Variants in TENM3 observed in about 807,000 individuals in gnomAD.
TENM3 encodes teneurin transmembrane protein 3.
A neutral mutation model predicts 255.1 loss-of-function variants in TENM3; 63 were observed. The ratio of observed to expected loss-of-function variants is 0.25; its 90% CI spans 0.20 to 0.30. The LOEUF (loss-of-function observed/expected upper bound fraction) is 0.30. Ranked by LOEUF, TENM3 falls within the 10% of genes least tolerant of loss-of-function variation. The pLI is 1.00. For synonymous variants in TENM3, 1,306 were observed against 1,322.3 expected (o/e 0.99, Z 0.27); for missense variants, 2,929 against 3,461.1 (o/e 0.85, Z 3.86).
the TENM3 span, among the ~76,000 whole-genome samples, chr4:182,010,341 C>T: frequency 2.0e-5 from 3 of 152,074 alleles, no homozygotes; most frequent in Admixed American, 6.5e-5. Flanking sequence ...CAAGTCTCTA[C>T]ATGAAAACAT....
At chr4:182,717,601 T>C (rs1161722021) in intron 13 of TENM3, among the ~76,000 whole-genome samples, 1 of 152,156 alleles carries the variant, frequency 6.6e-6, no homozygotes, top group East Asian at 1.9e-4. Flanking sequence ...AGGCAAGCAA[T>C]GGATTACTAG....
In TENM3 at chr4:182,777,509, T is replaced by TTGTGTG. The variant is rs1172500944; in HGVS notation, c.5304+2357_5304+2358insGTGTGT. On this transcript the variant is annotated intron_variant, in intron 24 of 27. Transcript: ENST00000511685. ...TTCTCTCTGTCTATACATAATGTGT[T>TTGTGTG]TATGTGTGTGTGTGTGTGTGTGTGT... Among the ~76,000 whole-genome samples the TTGTGTG allele has an allele frequency of 8.6e-4, 103 of 120,140 alleles. 1 individual carries two copies. Among genetic ancestry groups the TTGTGTG allele is most frequent in the African/African-American group, 3.1e-3 (97 of 31,588 alleles). 78.8% of individuals were successfully genotyped at this position (120,140 alleles called of 152,430 possible).
At chr4:181,669,112 C>G in the TENM3 span, among the ~76,000 whole-genome samples, 1 of 152,114 alleles carries the variant, frequency 6.6e-6, no homozygotes, top group South Asian at 2.1e-4. Flanking sequence ...AAAAAAATTA[C>G]CAGCAATAAT....
Position 182,799,529 on chromosome 4 carries a change from G to C in TENM3, c.7345-67G>C. ...CCCGGCGCTGCCCCCAGAGTCCCGT[G>C]TGTGGGTCAGGAGTGGGGAGGCTCC... On this transcript the variant is annotated intron_variant, in intron 27 of 27. Transcript: ENST00000511685. This position sits in a 1 kb window ranked among gnomAD's most constrained non-coding sequence, Gnocchi z 4.2. The C allele has an allele frequency of 6.6e-7, 1 of 1,504,424 alleles. No individual in the cohort carries two copies. Among genetic ancestry groups the C allele is most frequent in the Non-Finnish European group, 8.8e-7 (1 of 1,136,770 alleles). The allele number at this position is 1,504,424 out of a possible 1,614,324, so 93.2% of individuals were successfully genotyped here.
At chr4:182,074,232 T>A in the TENM3 span, among the ~76,000 whole-genome samples, 2 of 152,154 alleles carry the variant, frequency 1.3e-5, no homozygotes, top group Non-Finnish European at 2.9e-5. Context: ...CTGTACCACT[T>A]GCTCAGCAGA....
At position 182,743,211 on chromosome 4, in the gene TENM3, C is replaced by A. The variant is rs1276841578; in HGVS notation, c.3421C>A (p.Gln1141Lys). The change falls in exon 19 of 28, where the codon CAG becomes AAG. Residue 1141 changes from glutamine to lysine, a missense_variant. Physicochemically the swap from Gln to Lys is moderately conservative, Grantham distance 53. Coordinates refer to ENST00000511685, the MANE Select transcript of TENM3 (RefSeq NM_001080477.4). ...KGNGENQFISQQPPVVSSIMG... is the reference protein window; with the variant it reads ...KGNGENQFISKQPPVVSSIMG... ...AAACGGGGAAAACCAGTTCATCTCC[C>A]AGCAGCCTCCAGTCGTGAGTAGCAT... is the stretch of plus-strand genomic sequence containing the variant. The A allele has an allele frequency of 6.2e-7, 1 of 1,613,820 alleles. No individual in the cohort carries two copies.
chr4:181,960,328 T>C, the TENM3 span, among the ~76,000 whole-genome samples: 2 of 152,224 alleles, frequency 1.3e-5, no homozygotes, highest in Non-Finnish European at 2.9e-5. Context: ...GACTTTTTTT[T>C]CTAATTTTTC....
At chr4:181,709,323 G>T in the TENM3 span, among the ~76,000 whole-genome samples, 1 of 152,308 alleles carries the variant, frequency 6.6e-6, no homozygotes, top group East Asian at 1.9e-4. Flanking sequence ...GAGATACATT[G>T]TTGACTTCAA....
At chr4:182,448,557 T>C (rs1251355340) in intron 3 of TENM3, among the ~76,000 whole-genome samples, 1 of 152,170 alleles carries the variant, frequency 6.6e-6, no homozygotes, top group South Asian at 2.1e-4. Flanking sequence ...AGAGATGCTT[T>C]TGTGAGCACG....
chr4:182,689,559 A>G (rs1447427150), intron 12 of TENM3, among the ~76,000 whole-genome samples: 2 of 152,188 alleles, frequency 1.3e-5, no homozygotes, highest in Admixed American at 6.5e-5. Flanking sequence ...TGTCATGGCT[A>G]TAATGTATCA....
chr4:182,344,352 C>T (rs1280063645), intron 2 of TENM3, among the ~76,000 whole-genome samples: 1 of 152,018 alleles, frequency 6.6e-6, no homozygotes, highest in Non-Finnish European at 1.5e-5. Flanking sequence ...TCAGAAGCAG[C>T]CCTGGAGAAT....
At chr4:181,460,477 T>A in the TENM3 span, among the ~76,000 whole-genome samples, 1 of 151,898 alleles carries the variant, frequency 6.6e-6, no homozygotes, top group Non-Finnish European at 1.5e-5. Flanking sequence ...TGGTGCTTAT[T>A]TTTCTTTATA....
the TENM3 span, among the ~76,000 whole-genome samples, chr4:181,706,100 G>A: frequency 6.6e-6 from 1 of 152,124 alleles, no homozygotes; most frequent in Non-Finnish European, 1.5e-5. Flanking sequence ...GGGTCCTTCT[G>A]AGAGCCATGA....
the TENM3 span, among the ~76,000 whole-genome samples, chr4:181,517,150 T>TG: frequency 8.2e-6 from 1 of 122,430 alleles, no homozygotes; most frequent in Non-Finnish European, 2.0e-5. Flanking sequence ...TGGAAATAAC[T>TG]GAAAAAAAAA....
the TENM3 span, among the ~76,000 whole-genome samples, chr4:182,044,793 G>C: frequency 6.6e-6 from 1 of 152,050 alleles, no homozygotes; most frequent in Non-Finnish European, 1.5e-5. Context: ...TTTTCCTGCC[G>C]TATTGACCAA....
At chr4:181,616,281 CAAAAAAA>C in the TENM3 span, among the ~76,000 whole-genome samples, 1 of 84,062 alleles carries the variant, frequency 1.2e-5, no homozygotes, top group Admixed American at 1.6e-4. Context: ...TAAAGGTTTC[CAAAAAAA>C]AAAAAAAAAA....
chr4:181,968,952 T>C, the TENM3 span, among the ~76,000 whole-genome samples: 3 of 150,334 alleles, frequency 2.0e-5, no homozygotes, highest in Non-Finnish European at 4.4e-5. Flanking sequence ...TTAACTAGAA[T>C]ACCTCTCTTG....
chr4:182,169,715 C>T lies in TENM3; in HGVS notation c.-76+24961C>T, dbSNP rs76477749. Among the ~76,000 whole-genome samples, 583 of 152,048 alleles carry T rather than the reference C, an allele frequency of 3.8e-3. 3 individuals are homozygous for T. The highest frequency in any genetic ancestry group is 5.9e-3 in the Non-Finnish European group (402 of 67,946). ...TTGGCGTTTGTTAACAGCAAAAGAC[C>T]TCTCCTGTGGGGGTTAAGAATATTT... On this transcript the variant is annotated intron_variant, in intron 1 of 2. Coordinates refer to the TENM3 transcript ENST00000512480.
At chr4:181,609,467 T>G in the TENM3 span, among the ~76,000 whole-genome samples, 1 of 152,322 alleles carries the variant, frequency 6.6e-6, no homozygotes, top group African/African-American at 2.4e-5. Flanking sequence ...GTTCTTACCA[T>G]TAGGAGAACA....
Sources: gnomAD v4.1 joint callset for allele counts (sites outside exome capture counted in the v4.1 genomes callset) on GRCh38, gnomAD v4.1.1 for gene constraint, Gnocchi (gnomAD v3.1) non-coding constraint, MANE v1.5 for transcripts, NCBI Gene and HGNC (gene_info 2026-07-23, HGNC 2026-07-21) for gene names.